NIPA1: variants seen among roughly 807,000 people sequenced by gnomAD.
The protein encoded by NIPA1 is NIPA magnesium transporter 1.
In NIPA1, 13 loss-of-function variants were observed where a neutral mutation model predicts 23.9. The ratio of observed to expected loss-of-function variants is 0.54; its 90% CI spans 0.35 to 0.87. The LOEUF (loss-of-function observed/expected upper bound fraction) is 0.87, where lower values mean the gene tolerates loss of function less well. NIPA1 is among the 40% of genes least tolerant of loss of function. NIPA1 has a pLI of 0.01. For synonymous variants in NIPA1, 234 were observed against 202.9 expected (o/e 1.15, Z -1.30); for missense variants, 362 against 429.7 (o/e 0.84, Z 1.39).
At position 22,820,353 on chromosome 15, in the gene NIPA1, A is replaced by G. The variant is rs780136208; in HGVS notation, c.358A>G (p.Ile120Val). ...CTATCTCCTGAAGGAAAAGCTCAACATCTTGGGCAAGTTGGGGTGCCTGCT... is the reference window on the plus strand; with the variant it reads ...CTATCTCCTGAAGGAAAAGCTCAACGTCTTGGGCAAGTTGGGGTGCCTGCT... ...ASYLLKEKLN[I>V]LGKLGCLLSC... Residue 120 changes from isoleucine to valine, a missense_variant, in exon 4 of 5, where the codon ATC becomes GTC. This residue lies in a region of NIPA1 where 277 missense variants were observed against 372.0 expected (regional missense o/e 0.74). Coordinates refer to ENST00000337435, the MANE Select transcript of NIPA1 (RefSeq NM_144599.5). 6.2e-7 allele frequency: 1 copy of G among 1,612,844 alleles called. No homozygotes were observed. The highest frequency in any genetic ancestry group is 1.3e-5 in the African/African-American group (1 of 74,880).
At chr15:22,796,834 G>A (rs937269054) in intron 1 of NIPA1, among the ~76,000 whole-genome samples, 3 of 152,050 alleles carry the variant, frequency 2.0e-5, no homozygotes, top group East Asian at 1.9e-4. Flanking sequence ...GTGCCCAGCC[G>A]GGGCTCTTTA....
chr15:22,811,387 T>A (rs1895311082), intron 2 of NIPA1, among the ~76,000 whole-genome samples: 1 of 152,096 alleles, frequency 6.6e-6, no homozygotes, highest in Admixed American at 6.5e-5. Context: ...ACAGGTGGAT[T>A]GTTTGAGCCC....
Position 22,786,742 on chromosome 15 carries a change from C to T in NIPA1, c.86C>T (p.Ser29Leu), listed in dbSNP as rs1304634280. 2 of 1,277,486 alleles carry T rather than the reference C, an allele frequency of 1.6e-6. No individual in the cohort carries two copies. Among genetic ancestry groups the T allele is most frequent in the Non-Finnish European group, 2.0e-6 (2 of 992,254 alleles). The allele number at this position is 1,277,486 out of a possible 1,614,324, so 79.1% of individuals were successfully genotyped here. A position where few individuals can be genotyped will look rare whatever the true frequency, so the allele number is the denominator to read the frequency against. ...GARSPSPAAV[S>L]LGLGVAVVSS... is the part of the protein sequence containing the mutation. ...CGTAGCCCGAGCCCCGCCGCCGTGT[C>T]GCTCGGCCTGGGCGTGGCCGTCGTG... Residue 29 changes from serine (S) to leucine (L), a missense_variant, in exon 1 of 5, where the codon TCG (serine) becomes TTG (leucine). By Grantham distance (145) the Ser-to-Leu change is moderately radical. This residue lies in a region of NIPA1 where 85 missense variants were observed against 57.7 expected (regional missense o/e 1.47). Transcript: ENST00000337435.
chr15:22,817,736 C>T (rs537846603), intron 3 of NIPA1, among the ~76,000 whole-genome samples: 3 of 151,548 alleles, frequency 2.0e-5, no homozygotes, highest in African/African-American at 7.3e-5. Flanking sequence ...ACCCGGGAGG[C>T]GGAGCTTGCA....
At chr15:22,800,529 C>T (rs1032024134) in intron 1 of NIPA1, among the ~76,000 whole-genome samples, 13 of 151,948 alleles carry the variant, frequency 8.6e-5, no homozygotes, top group African/African-American at 2.7e-4. Context: ...TGGTGGCTGA[C>T]GTCTATAATC....
At chr15:22,820,256 G>A in intron 3 of NIPA1, 57 bp from the exon 4 acceptor site, 1 of 1,231,020 alleles carries the variant, frequency 8.1e-7, no homozygotes, top group Non-Finnish European at 1.2e-6. Context: ...TCTGCTGTTA[G>A]AAGAAAGGTC....
chr15:22,818,895 T>C (rs1595644990), intron 3 of NIPA1, among the ~76,000 whole-genome samples: 1 of 152,202 alleles, frequency 6.6e-6, no homozygotes, highest in Non-Finnish European at 1.5e-5. Context: ...CTGTCCACTT[T>C]CGTGCATGGC....
chr15:22,795,165 A>C (rs929131499), intron 1 of NIPA1, among the ~76,000 whole-genome samples: 1 of 152,140 alleles, frequency 6.6e-6, no homozygotes, highest in Non-Finnish European at 1.5e-5. Context: ...TCTGATCTTT[A>C]TCTGACCCTG....
chr15:22,786,742 C>A lies in NIPA1; in HGVS notation c.86C>A (p.Ser29Ter). The A allele has an allele frequency of 7.8e-7, 1 of 1,277,582 alleles. No individual in the cohort carries two copies. 79.1% of individuals were successfully genotyped at this position (1,277,582 alleles called of 1,614,324 possible). Residue 29 changes from serine to a stop codon, truncating the protein, a stop_gained, in exon 1 of 5, where the codon TCG (serine) becomes TAG (stop). Transcript: ENST00000337435. LOFTEE classifies it high-confidence loss of function. ...GARSPSPAAVSLGLGVAVVSS... is the reference protein window; with the variant it reads ...GARSPSPAAV Reference sequence around the variant, plus strand: ...CGTAGCCCGAGCCCCGCCGCCGTGTCGCTCGGCCTGGGCGTGGCCGTCGTG... The same window carrying A: ...CGTAGCCCGAGCCCCGCCGCCGTGTAGCTCGGCCTGGGCGTGGCCGTCGTG...
At chr15:22,790,554 T>C (rs1263873634) in intron 1 of NIPA1, among the ~76,000 whole-genome samples, 1 of 151,910 alleles carries the variant, frequency 6.6e-6, no homozygotes, top group East Asian at 1.9e-4. Context: ...GTAGTTGGGT[T>C]ATAGGCATGC....
chr15:22,820,245 A>G lies in NIPA1; in HGVS notation c.318-68A>G, dbSNP rs77146068. 4.0e-3 allele frequency: 4,339 copies of G among 1,096,882 alleles called. 135 individuals carry two copies. The African/African-American group carries it at 0.059, about 15-fold the overall frequency. The allele number at this position is 1,096,882 out of a possible 1,614,324, so 67.9% of individuals were successfully genotyped here. A position where few individuals can be genotyped will look rare whatever the true frequency, so the allele number is the denominator to read the frequency against. On this transcript the variant is annotated intron_variant, in intron 3 of 4. Coordinates refer to ENST00000337435, the MANE Select transcript of NIPA1 (RefSeq NM_144599.5). ...AGAAAATGGTTTTTCTAGATAAAAT[A>G]TCTGCTGTTAGAAGAAAGGTCAGGT...
chr15:22,823,721 G>C lies in NIPA1; in HGVS notation c.479-7G>C. 1 of 1,601,496 alleles carries C rather than the reference G, an allele frequency of 6.2e-7. No homozygotes were observed. Among genetic ancestry groups the C allele is most frequent in the Non-Finnish European group, 8.5e-7 (1 of 1,177,586 alleles). On this transcript the variant is annotated splice_region_variant and splice_polypyrimidine_tract_variant and intron_variant, in intron 4 of 4. Transcript: ENST00000337435. ...CTCCGGGTGACTGTGTGCTGTCTGT[G>C]TTCCAGTGTTTGTGGGCTACCTGTG...
intron 3 of NIPA1, among the ~76,000 whole-genome samples, chr15:22,814,417 A>T (rs539263322): frequency 1.3e-5 from 2 of 151,944 alleles, no homozygotes; most frequent in East Asian, 3.9e-4. Flanking sequence ...GTTGGCTGGG[A>T]TGGTCTTGAT....
intron 3 of NIPA1, among the ~76,000 whole-genome samples, chr15:22,819,712 C>G (rs964734514): frequency 6.6e-6 from 1 of 152,064 alleles, no homozygotes; most frequent in South Asian, 2.1e-4. Context: ...TTGTACCCTA[C>G]TTTTCCATGT....
chr15:22,801,642 G>A (rs1426730557), intron 1 of NIPA1, among the ~76,000 whole-genome samples: 1 of 150,548 alleles, frequency 6.6e-6, no homozygotes, highest in Non-Finnish European at 1.5e-5. Flanking sequence ...TCAGCCTCCC[G>A]AGTAGCTAGG....
intron 1 of NIPA1, among the ~76,000 whole-genome samples, chr15:22,790,549 T>A (rs1372548771): frequency 6.6e-6 from 1 of 151,890 alleles, no homozygotes; most frequent in Admixed American, 6.6e-5. Context: ...CCCGAGTAGT[T>A]GGGTTATAGG....
intron 4 of NIPA1, 40 bp from the exon 5 acceptor site, chr15:22,823,688 G>A: frequency 6.4e-7 from 1 of 1,571,876 alleles, no homozygotes; most frequent in South Asian, 1.1e-5. Flanking sequence ...GCGGCTGCTA[G>A]GCGGTGGCTC....
intron 1 of NIPA1, among the ~76,000 whole-genome samples, chr15:22,798,651 A>G (rs540330208): frequency 6.8e-6 from 1 of 147,794 alleles, no homozygotes; most frequent in South Asian, 2.2e-4. Flanking sequence ...GATCGAGACC[A>G]TCCTGGCCAA....
intron 3 of NIPA1, among the ~76,000 whole-genome samples, chr15:22,817,224 G>A (rs1174301017): frequency 2.0e-5 from 3 of 150,470 alleles, no homozygotes; most frequent in Non-Finnish European, 4.4e-5. Flanking sequence ...CATCTGCCAG[G>A]CGCAGTGGCT....
Sources: gnomAD v4.1 joint callset for allele counts (sites outside exome capture counted in the v4.1 genomes callset) on GRCh38, gnomAD v4.1.1 for gene constraint, gnomAD v4.1.1 regional missense constraint, MANE v1.5 for transcripts, NCBI Gene and HGNC (gene_info 2026-07-23, HGNC 2026-07-21) for gene names.